The following IGSF9 variants were observed in gnomAD, a reference collection of about 807,000 sequenced individuals.
IGSF9 encodes the protein immunoglobulin superfamily member 9.
A neutral mutation model predicts 121.7 loss-of-function variants in IGSF9; 87 were observed. The ratio of observed to expected loss-of-function variants is 0.71; its 90% CI spans 0.60 to 0.85. The LOEUF is 0.85. Ranked by LOEUF, IGSF9 falls within the 40% of genes least tolerant of loss-of-function variation. The pLI, the probability that IGSF9 is intolerant of heterozygous loss-of-function variation, is 0.00. For missense variants in IGSF9, 1,462 were observed against 1,565.3 expected, an observed-to-expected ratio of 0.93 and a Z score of 1.11; for synonymous variants, 640 against 648.4, an observed-to-expected ratio of 0.99 and a Z score of 0.20.
At position 159,931,477 on chromosome 1, in the gene IGSF9, T is replaced by C. The variant is rs1477824332; in HGVS notation, c.1489A>G (p.Thr497Ala). Reference protein sequence around the residue: ...SASNAVARVATSTNVYVLGTS... With the variant: ...SASNAVARVAASTNVYVLGTS... ...CCCAGCACGTAGACGTTCGTGGAGG[T>C]GGCCACTCGGGCCACAGCATTGCTG... Residue 497 changes from threonine (T) to alanine (A), a missense_variant, in exon 12 of 21, where the codon ACC becomes GCC. By Grantham distance (58) the Thr-to-Ala change is moderately conservative. Coordinates refer to ENST00000368094, the MANE Select transcript of IGSF9 (RefSeq NM_001135050.2). The surrounding 1 kb of genome is among the most constrained non-coding windows in gnomAD (Gnocchi z 4.8). 6.2e-7 allele frequency: 1 copy of C among 1,613,800 alleles called. No individual in the cohort carries two copies. Among genetic ancestry groups the C allele is most frequent in the South Asian group, 1.1e-5 (1 of 91,070 alleles).
chr1:159,927,930 G>A (rs1490475847), intron 19 of IGSF9, 43 bp from the exon 20 acceptor site: 57 of 1,594,844 alleles, frequency 3.6e-5, no homozygotes, highest in Non-Finnish European at 4.8e-5. Context: ...TGTGGGTGGA[G>A]GAATAGAGGC....
chr1:159,927,076 TCACACACACACA>T lies in IGSF9; in HGVS notation c.*257_*268del, dbSNP rs138111490. On this transcript the variant is annotated 3_prime_UTR_variant, in exon 21 of 21. Transcript: ENST00000368094. ...TTTGTTTATTCACCTGTAAAAAACT[TCACACACACACA>T]CACACACACAGAGAGAGAGAGAGAG... 1.4e-5 allele frequency: 5 copies of T among 360,594 alleles called. No individual in the cohort carries two copies. The East Asian group carries it at 2.8e-4, about 20-fold the overall frequency. 22.3% of individuals were successfully genotyped at this position (360,594 alleles called of 1,614,324 possible).
intron 3 of IGSF9, among the ~76,000 whole-genome samples, chr1:159,938,619 T>G (rs961839783): frequency 2.0e-5 from 3 of 152,164 alleles, no homozygotes; most frequent in Admixed American, 1.3e-4. Context: ...CCCAGACAGC[T>G]TCATGGGTCC....
chr1:159,941,463 A>G (rs1651377764), intron 3 of IGSF9, among the ~76,000 whole-genome samples: 1 of 152,210 alleles, frequency 6.6e-6, no homozygotes, highest in African/African-American at 2.4e-5. Flanking sequence ...GTGTGAACAA[A>G]GGATAGGAGC....
chr1:159,937,295 G>A (rs577882640), intron 4 of IGSF9, among the ~76,000 whole-genome samples: 2 of 152,288 alleles, frequency 1.3e-5, no homozygotes, highest in Non-Finnish European at 2.9e-5. Context: ...AGGAGTGAGA[G>A]ATAAATAATA....
chr1:159,929,425 G>A (rs752319763), intron 17 of IGSF9, 32 bp from the exon 18 acceptor site: 1 of 1,611,322 alleles, frequency 6.2e-7, no homozygotes, highest in Non-Finnish European at 8.5e-7. Flanking sequence ...AGGTGACACA[G>A]GCAAAAATCA....
intron 1 of IGSF9, among the ~76,000 whole-genome samples, chr1:159,944,498 C>G (rs1417305645): frequency 6.6e-6 from 1 of 152,178 alleles, no homozygotes; most frequent in Non-Finnish European, 1.5e-5. Flanking sequence ...ATCCCTCCCA[C>G]TCACTCCCCT....
chr1:159,930,267 T>C lies in IGSF9; in HGVS notation c.1986A>G (p.Gln662=), dbSNP rs774211179. Residue 662 remains glutamine (Q), a synonymous_variant, in exon 15 of 21, where the codon CAA becomes CAG. Coordinates refer to ENST00000368094, the MANE Select transcript of IGSF9 (RefSeq NM_001135050.2). ...CCAGCACCTCCCAGCCCTGGGAGCC[T>C]TGCCGGCCTTCCAAGACGTAGCCAT... ...RLDGYVLEGR[Q]GSQGWEVLDP... is the part of the protein sequence containing the mutation. The C allele has an allele frequency of 6.2e-7, 1 of 1,613,758 alleles. No homozygotes were observed. The highest frequency in any genetic ancestry group is 8.5e-7 in the Non-Finnish European group (1 of 1,179,854).
chr1:159,934,143 G>A, intron 9 of IGSF9, 47 bp downstream of exon 9: 1 of 1,577,030 alleles, frequency 6.3e-7, no homozygotes, highest in Non-Finnish European at 8.6e-7. Context: ...GTCCTGAGCA[G>A]AATAACGCCA....
At chr1:159,941,302 C>A (rs143578819) in intron 3 of IGSF9, among the ~76,000 whole-genome samples, 1 of 152,342 alleles carries the variant, frequency 6.6e-6, no homozygotes, top group Non-Finnish European at 1.5e-5. Flanking sequence ...TGTTGCTTAG[C>A]AACTGCAGTT....
Position 159,928,252 on chromosome 1 carries a change from T to C in IGSF9, c.3136A>G (p.Ser1046Gly). ...PPSTAPSAGGSYLSPAPGDTS... is the reference protein window; with the variant it reads ...PPSTAPSAGGGYLSPAPGDTS... The stretch of plus-strand genomic sequence containing the variant: ...TCTCCTGGAGCAGGGCTGAGGTAGC[T>C]GCCTCCTGCAGAGGGGGCTGTGGAG... The change falls in exon 19 of 21, where the codon AGC becomes GGC. Residue 1046 changes from serine to glycine, a missense_variant. By Grantham distance (56) the Ser-to-Gly change is moderately conservative (BLOSUM62 0). This residue lies in a region of IGSF9 where 808 missense variants were observed against 815.2 expected (regional missense o/e 0.99). Transcript: ENST00000368094. 6.2e-7 allele frequency: 1 copy of C among 1,613,222 alleles called. No individual in the cohort carries two copies. The highest frequency in any genetic ancestry group is 1.3e-5 in the African/African-American group (1 of 75,038).
chr1:159,937,102 A>G (rs1409625759), intron 4 of IGSF9, among the ~76,000 whole-genome samples, 194 bp from the exon 5 acceptor site: 1 of 152,088 alleles, frequency 6.6e-6, no homozygotes, highest in African/African-American at 2.4e-5. Context: ...CCACCCCCAC[A>G]CACTGGCCTG....
In IGSF9 at chr1:159,932,286, C is replaced by G. The variant is rs1651026928; in HGVS notation, c.1245+226G>C. On this transcript the variant is annotated intron_variant, in intron 10 of 20. Transcript: ENST00000368094. The surrounding 1 kb of genome is among the most constrained non-coding windows in gnomAD (Gnocchi z 4.1). Reference sequence around the variant, plus strand: ...GTGAGAGTTGGGGCAAACAGGATATCTTACTTCTGGATGTGTGTGACTGAT... The same window carrying G: ...GTGAGAGTTGGGGCAAACAGGATATGTTACTTCTGGATGTGTGTGACTGAT... The G allele has an allele frequency of 1.7e-6, 1 of 594,470 alleles. No individual in the cohort carries two copies. The highest frequency in any genetic ancestry group is 2.8e-5 in the East Asian group (1 of 35,474). The allele number at this position is 594,470 out of a possible 1,614,324, so 36.8% of individuals were successfully genotyped here.
At position 159,936,534 on chromosome 1, in the gene IGSF9, G is replaced by A. The variant is rs774537943; in HGVS notation, c.556-18C>T. 6.2e-7 allele frequency: 1 copy of A among 1,610,036 alleles called. No individual in the cohort carries two copies. The highest frequency in any genetic ancestry group is 8.5e-7 in the Non-Finnish European group (1 of 1,176,944). On this transcript the variant is annotated intron_variant, in intron 5 of 20. Coordinates refer to ENST00000368094, the MANE Select transcript of IGSF9 (RefSeq NM_001135050.2). ...TTCTGCACCTAGGGAAGGAGTGGGT[G>A]AGGAAGAGTCCTTTCCCCTGCCAGC...
rs769860850 is a variant in IGSF9, at chr1:159,930,286, T to A, written c.1967A>T (p.Tyr656Phe). ...GGAGCCTTGCCGGCCTTCCAAGACG[T>A]AGCCATCCAGTCTCTTAGGGACCAG... The part of the protein sequence containing the change: ...PELVPKRLDG[Y>F]VLEGRQGSQG... Residue 656 changes from tyrosine to phenylalanine, a missense_variant, in exon 15 of 21, where the codon TAC (tyrosine) becomes TTC (phenylalanine). By Grantham distance (22) the Tyr-to-Phe change is conservative. Coordinates refer to ENST00000368094, the MANE Select transcript of IGSF9 (RefSeq NM_001135050.2). 1 of 1,613,768 alleles carries A rather than the reference T, an allele frequency of 6.2e-7. No individual in the cohort carries two copies. Among genetic ancestry groups the A allele is most frequent in the Non-Finnish European group, 8.5e-7 (1 of 1,179,882 alleles).
chr1:159,936,357 G>GCATA, intron 6 of IGSF9, 42 bp downstream of exon 6: 1 of 1,540,880 alleles, frequency 6.5e-7, no homozygotes, highest in South Asian at 1.1e-5. Context: ...CAGCCCCCTT[G>GCATA]CATAGGTAAC....
chr1:159,932,596 C>A lies in IGSF9; in HGVS notation c.1161G>T (p.Glu387Asp). The A allele has an allele frequency of 6.2e-7, 1 of 1,613,972 alleles. No homozygotes were observed. Among genetic ancestry groups the A allele is most frequent in the Non-Finnish European group, 8.5e-7 (1 of 1,179,902 alleles). The change falls in exon 10 of 21, where the codon GAG (glutamate) becomes GAT (aspartate). Residue 387 changes from glutamate (E) to aspartate (D), a missense_variant. Glu to Asp is a conservative substitution (Grantham distance 45). Around this residue, in one of 3 missense-constraint regions of IGSF9, gnomAD observed 558 missense variants for 599.4 expected, o/e 0.93. Coordinates refer to ENST00000368094, the MANE Select transcript of IGSF9 (RefSeq NM_001135050.2). The surrounding 1 kb of genome is among the most constrained non-coding windows in gnomAD (Gnocchi z 4.1). ...TGCAGGAGTATTCTCCCAGGGCATC[C>A]TCGTTCCCCAGGGCGATGATCAGTG... ...EGSLIIALGN[E>D]DALGEYSCTP...
rs751880997 is a variant in IGSF9 at position 159,931,939 on chromosome 1, G to C, written c.1246-11C>G. ...AAAAGCTGGGGGAGCCTGCAAGCCAGATCTGGCATTGGGAGGGGCCCTCTC... is the reference window on the plus strand; with the variant it reads ...AAAAGCTGGGGGAGCCTGCAAGCCACATCTGGCATTGGGAGGGGCCCTCTC... On this transcript the variant is annotated splice_polypyrimidine_tract_variant and intron_variant, in intron 10 of 20. Transcript: ENST00000368094. The surrounding 1 kb of genome is among the most constrained non-coding windows in gnomAD (Gnocchi z 4.8). The C allele has an allele frequency of 1.7e-5, 27 of 1,555,076 alleles. No individual in the cohort carries two copies. The East Asian group carries it at 2.3e-4, about 13-fold the overall frequency.
rs1650926123 is a variant in IGSF9 at position 159,929,950 on chromosome 1, A to T, written c.2090T>A (p.Val697Glu). The T allele has an allele frequency of 6.3e-7, 1 of 1,584,502 alleles. No homozygotes were observed. Among genetic ancestry groups the T allele is most frequent in the East Asian group, 2.3e-5 (1 of 43,150 alleles). ...IKDVLYEFRL[V>E]AFAGSFVSDP... ...GCTGACGAAGCTGCCCGCGAAGGCC[A>T]CGAGGCGGAACTCGTAGAGAACATC... Residue 697 changes from valine to glutamate, a missense_variant, in exon 16 of 21, where the codon GTG becomes GAG. Val to Glu is a moderately radical substitution (Grantham distance 121). Around this residue, in one of 3 missense-constraint regions of IGSF9, gnomAD observed 808 missense variants for 815.2 expected, o/e 0.99. Transcript: ENST00000368094.
Sources: gnomAD v4.1 joint callset for allele counts (sites outside exome capture counted in the v4.1 genomes callset) on GRCh38, gnomAD v4.1.1 for gene constraint, gnomAD v4.1.1 regional missense constraint, Gnocchi (gnomAD v3.1) non-coding constraint, MANE v1.5 for transcripts, NCBI Gene and HGNC (gene_info 2026-07-23, HGNC 2026-07-21) for gene names.